Variants in SLC16A5 observed in about 807,000 individuals in gnomAD.
SLC16A5 encodes the protein solute carrier family 16 member 5, also known as monocarboxylate transporter 6.
A neutral mutation model predicts 33.2 loss-of-function variants in SLC16A5; 29 were observed. The ratio of observed to expected loss-of-function variants is 0.87; its 90% confidence interval spans 0.65 to 1.19. The LOEUF (loss-of-function observed/expected upper bound fraction) is 1.19, where lower values mean the gene tolerates loss of function less well. Ranked by LOEUF, SLC16A5 falls within the 50% of genes most tolerant of loss-of-function variation. The pLI is 0.00. For synonymous variants in SLC16A5, 248 were observed against 284.1 expected, an observed-to-expected ratio of 0.87 and a Z score of 1.28; for missense variants, 606 against 678.2, an observed-to-expected ratio of 0.89 and a Z score of 1.18.
chr17:75,100,453 A>G lies in SLC16A5; in HGVS notation c.790A>G (p.Met264Val), dbSNP rs1315184670. 1 of 1,614,230 alleles carries G rather than the reference A, an allele frequency of 6.2e-7. No individual in the cohort carries two copies. Among genetic ancestry groups the G allele is most frequent in the Middle Eastern group, 1.6e-4 (1 of 6,062 alleles). ...ACAAGTCTTCCTGGTGCCATATGCCATGTGGCACAGCGTGGACGAGCAGCA... is the reference window on the plus strand; with the variant it reads ...ACAAGTCTTCCTGGTGCCATATGCCGTGTGGCACAGCGTGGACGAGCAGCA... Reference protein sequence around the residue: ...LPQVFLVPYAMWHSVDEQQAA... With the variant: ...LPQVFLVPYAVWHSVDEQQAA... The change falls in exon 5 of 7, where the codon ATG becomes GTG. Residue 264 changes from methionine (M) to valine (V), a missense_variant. Transcript: ENST00000329783.
intron 6 of SLC16A5, chr17:75,105,040 T>G: frequency 1.0e-6 from 1 of 985,462 alleles, no homozygotes; most frequent in South Asian, 4.7e-5. Flanking sequence ...TCTTCCCAAG[T>G]GACCCAGCCC....
intron 2 of SLC16A5, among the ~76,000 whole-genome samples, chr17:75,092,577 G>A (rs2073654302): frequency 1.3e-5 from 2 of 151,930 alleles, no homozygotes; most frequent in Non-Finnish European, 2.9e-5. Flanking sequence ...TGCCTGCCTC[G>A]GCCTCCCAAA....
At chr17:75,107,072 A>G (rs2145094135), downstream of SLC16A5, among the ~76,000 whole-genome samples, 1 of 152,084 alleles carries the variant, frequency 6.6e-6, no homozygotes, top group South Asian at 2.1e-4. Flanking sequence ...ACACTTTGGA[A>G]GGCCAAGATG....
At position 75,093,831 on chromosome 17, in the gene SLC16A5, G is replaced by A. The variant is rs374077933; in HGVS notation, c.195G>A (p.Met65Ile). The A allele has an allele frequency of 5.0e-6, 8 of 1,613,826 alleles. No individual in the cohort carries two copies. In the African/African-American group the frequency reaches 5.3e-5, roughly 11 times the overall value. Residue 65 changes from methionine (M) to isoleucine (I), a missense_variant, in exon 3 of 7, where the codon ATG becomes ATA. Physicochemically the swap from Met to Ile is conservative, Grantham distance 10. Transcript: ENST00000329783. ...FPSILTAVLH[M>I]AGPLCSILVG... ...CCATCCTCACGGCTGTGCTCCACATGGCAGGTGAGCGGCCTAGGGAGGGGC... is the reference window on the plus strand; with the variant it reads ...CCATCCTCACGGCTGTGCTCCACATAGCAGGTGAGCGGCCTAGGGAGGGGC...
rs780700059 is a variant in SLC16A5 at position 75,103,985 on chromosome 17, C to G, written c.1169C>G (p.Ala390Gly). 2 of 1,614,144 alleles carry G rather than the reference C, an allele frequency of 1.2e-6. No individual in the cohort carries two copies. Among genetic ancestry groups the G allele is most frequent in the South Asian group, 2.2e-5 (2 of 91,068 alleles). Residue 390 changes from alanine (A) to glycine (G), a missense_variant, in exon 6 of 7, where the codon GCC becomes GGC. By Grantham distance (60) the Ala-to-Gly change is moderately conservative. Transcript: ENST00000329783. ...TGTTCCCCAGGGTTGCTCCTGGACG[C>G]CACCAACAACTTTAGCTATGTTTTC... ...SPPLAGLLLD[A>G]TNNFSYVFYM...
intron 6 of SLC16A5, chr17:75,104,543 C>T (rs780494504): frequency 1.1e-6 from 1 of 896,730 alleles, no homozygotes; most frequent in Non-Finnish European, 1.4e-6. Flanking sequence ...CCTCTGCCCC[C>T]CAAGTTCAAG....
At chr17:75,087,586 G>GGCA (rs2073584685), upstream of SLC16A5, 1 of 152,280 alleles carries the variant, frequency 6.6e-6, no homozygotes, top group African/African-American at 2.4e-5. Context: ...AGGGCTCCTG[G>GGCA]GCAGGGAAAA....
intron 5 of SLC16A5, among the ~76,000 whole-genome samples, chr17:75,101,340 C>G (rs897319972): frequency 6.6e-6 from 1 of 150,916 alleles, no homozygotes; most frequent in South Asian, 2.1e-4. Flanking sequence ...GCGGGTGGAT[C>G]ACGAGGTCAG....
chr17:75,098,759 G>A (rs12939054), intron 4 of SLC16A5, among the ~76,000 whole-genome samples: 12,646 of 152,156 alleles, frequency 0.083, 728 homozygotes, highest in African/African-American at 0.16. Flanking sequence ...GGAAAGAAGA[G>A]AAAAAGGATG....
intron 3 of SLC16A5, 84 bp from the exon 4 acceptor site, chr17:75,097,954 C>G: frequency 6.8e-7 from 1 of 1,473,986 alleles, no homozygotes; most frequent in Non-Finnish European, 9.0e-7. Flanking sequence ...CTAGTTCCAG[C>G]TGGAACTGCC....
chr17:75,093,028 T>TTG (rs2073663440), intron 2 of SLC16A5, among the ~76,000 whole-genome samples: 1 of 152,038 alleles, frequency 6.6e-6, no homozygotes, highest in Non-Finnish European at 1.5e-5. Context: ...TTAAACTCCT[T>TTG]TGTGTATGCT....
chr17:75,100,839 A>G (rs1307195022), intron 5 of SLC16A5, 23 bp downstream of exon 5: 3 of 1,545,190 alleles, frequency 1.9e-6, no homozygotes, highest in Non-Finnish European at 2.6e-6. Flanking sequence ...GAGGGAGGGC[A>G]GCCAGATAGT....
rs771408730 is a variant in SLC16A5, at chr17:75,100,771, A to G, written c.1108A>G (p.Thr370Ala). 6.2e-7 allele frequency: 1 copy of G among 1,609,952 alleles called. No individual in the cohort carries two copies. The highest frequency in any genetic ancestry group is 1.7e-5 in the Admixed American group (1 of 59,698). The change falls in exon 5 of 7, where the codon ACT becomes GCT. Residue 370 changes from threonine to alanine, a missense_variant. Transcript: ENST00000329783. ...GTTCCCCAGAGCCCTGGGACTCTTCACTGTCCTGGACGGCCTTGCTTTCCT... is the reference window on the plus strand; with the variant it reads ...GTTCCCCAGAGCCCTGGGACTCTTCGCTGTCCTGGACGGCCTTGCTTTCCT... ...DQFPRALGLF[T>A]VLDGLAFLIS...
chr17:75,096,895 G>T (rs1348166783), intron 3 of SLC16A5, among the ~76,000 whole-genome samples: 1 of 127,638 alleles, frequency 7.8e-6, no homozygotes, highest in Non-Finnish European at 1.6e-5. Context: ...CGCCCAGGAT[G>T]GAGCGCATCG....
At chr17:75,101,879 C>T (rs1174546196) in intron 5 of SLC16A5, among the ~76,000 whole-genome samples, 2 of 152,072 alleles carry the variant, frequency 1.3e-5, no homozygotes, top group African/African-American at 4.8e-5. Flanking sequence ...AAGTGATCTG[C>T]CTCCCTCAGC....
intron 3 of SLC16A5, among the ~76,000 whole-genome samples, chr17:75,095,363 C>T (rs938349559): frequency 2.6e-5 from 4 of 152,210 alleles, no homozygotes; most frequent in Non-Finnish European, 5.9e-5. Flanking sequence ...ACTTGCGGCT[C>T]ACCACCCCCA....
At chr17:75,107,143 T>A (rs893580759), downstream of SLC16A5, among the ~76,000 whole-genome samples, 1 of 151,576 alleles carries the variant, frequency 6.6e-6, no homozygotes, top group South Asian at 2.1e-4. Flanking sequence ...CTACAAAAAA[T>A]TTAAAACTTA....
At chr17:75,109,470 C>T (rs116649747), downstream of SLC16A5, among the ~76,000 whole-genome samples, 2,108 of 152,286 alleles carry the variant, frequency 0.014, 45 homozygotes, top group African/African-American at 0.048. This position sits in a 1 kb window ranked among gnomAD's most constrained non-coding sequence, Gnocchi z 5.0. Flanking sequence ...CCCCCGCCAG[C>T]CGTGGGGACC....
At chr17:75,095,664 AT>A (rs35089527) in intron 3 of SLC16A5, among the ~76,000 whole-genome samples, 11,765 of 142,792 alleles carry the variant, frequency 0.082, 917 homozygotes, top group African/African-American at 0.22. Context: ...CACCCAGCTA[AT>A]TTTTTTTTTT....
Sources: gnomAD v4.1 joint callset for allele counts (sites outside exome capture counted in the v4.1 genomes callset) on GRCh38, gnomAD v4.1.1 for gene constraint, Gnocchi (gnomAD v3.1) non-coding constraint, MANE v1.5 for transcripts, NCBI Gene and HGNC (gene_info 2026-07-23, HGNC 2026-07-21) for gene names.